CNOT3: variants seen among roughly 807,000 people sequenced by gnomAD.
CNOT3 encodes CCR4-associated factor 3.
A neutral mutation model predicts 89.4 loss-of-function variants in CNOT3; 2 were observed. The observed-to-expected ratio is 0.02, with a 90% CI of 0.01 to 0.07. The LOEUF is 0.07. CNOT3 is among the 10% of genes least tolerant of loss of function. The probability of loss-of-function intolerance (pLI) is 1.00; values close to 1 mark genes in which losing one functional copy is unlikely to be tolerated. For synonymous variants in CNOT3, 486 were observed against 402.0 expected (o/e 1.21, Z -2.50); for missense variants, 664 against 1,010.2 (o/e 0.66, Z 4.65).
chr19:54,140,474 TCTC>T (rs1290017363), intron 1 of CNOT3, among the ~76,000 whole-genome samples: 2 of 152,110 alleles, frequency 1.3e-5, no homozygotes, highest in African/African-American at 4.8e-5. Flanking sequence ...GGCTCTTTCT[TCTC>T]TGGCGGCGTC....
rs200556056 is a variant in CNOT3, at chr19:54,152,924, C to T, written c.1962C>T (p.Pro654=). Reference sequence around the variant, plus strand: ...CCCCCTACCACCACCAGATGCCACCCCCACACTCGGACACTGTGGAATTCT... The same window carrying T: ...CCCCCTACCACCACCAGATGCCACCTCCACACTCGGACACTGTGGAATTCT... ...PTPPYHHQMP[P]PHSDTVEFYQ... is the part of the protein sequence containing the mutation. Residue 654 remains proline, a synonymous_variant, in exon 16 of 18, where the codon CCC becomes CCT. Coordinates refer to ENST00000221232, the MANE Select transcript of CNOT3 (RefSeq NM_014516.4). The T allele has an allele frequency of 2.9e-4, 468 of 1,601,990 alleles. No individual in the cohort carries two copies. The highest frequency in any genetic ancestry group is 1.8e-3 in the Middle Eastern group (11 of 6,018).
intron 16 of CNOT3, 127 bp downstream of exon 16, chr19:54,153,126 T>A (rs771345105): frequency 2.5e-6 from 2 of 786,684 alleles, no homozygotes; most frequent in Admixed American, 3.5e-5. Flanking sequence ...CCCCTCCCTA[T>A]TCCCACTCCT....
Position 54,147,990 on chromosome 19 carries a change from T to G in CNOT3, c.895-158T>G, listed in dbSNP as rs181208798. ...ATGAAGGTGATTGAAGCCATGAGGGTGAGTAAGGTCACCCAGGTCCCCAAG... is the reference window on the plus strand; with the variant it reads ...ATGAAGGTGATTGAAGCCATGAGGGGGAGTAAGGTCACCCAGGTCCCCAAG... On this transcript the variant is annotated intron_variant, in intron 10 of 17. Transcript: ENST00000221232. Among the ~76,000 whole-genome samples, 1,042 of 151,706 alleles carry G rather than the reference T, an allele frequency of 6.9e-3. 10 individuals carry two copies. Among genetic ancestry groups the G allele is most frequent in the African/African-American group, 0.024 (974 of 41,256 alleles).
chr19:54,142,938 C>A lies in CNOT3; in HGVS notation c.-41C>A, dbSNP rs1006252767. 26 of 1,608,884 alleles carry A rather than the reference C, an allele frequency of 1.6e-5. No homozygotes were observed. The highest frequency in any genetic ancestry group is 2.0e-5 in the Non-Finnish European group (24 of 1,175,684). On this transcript the variant is annotated 5_prime_UTR_variant, in exon 2 of 18. Coordinates refer to ENST00000221232, the MANE Select transcript of CNOT3 (RefSeq NM_014516.4). Reference sequence around the variant, plus strand: ...CAATCTCTCCTAGCAGCGTCCGTCTCCAAGAGAGTATGAAGAGAGTGCGTC... The same window carrying A: ...CAATCTCTCCTAGCAGCGTCCGTCTACAAGAGAGTATGAAGAGAGTGCGTC...
rs1268780261 is a variant in CNOT3, at chr19:54,153,720, T to C, written c.2043T>C (p.Thr681=). ...LFFIFYYLEG[T]KAQYLAAKAL... ...CTCCACTGTTCCTCCCCCAGGGCAC[T>C]AAGGCACAGTATCTGGCAGCCAAGG... The change falls in exon 17 of 18, where the codon ACT becomes ACC. Residue 681 remains threonine (T), a synonymous_variant. Coordinates refer to ENST00000221232, the MANE Select transcript of CNOT3 (RefSeq NM_014516.4). 1.9e-6 allele frequency: 3 copies of C among 1,613,886 alleles called. No individual in the cohort carries two copies. The highest frequency in any genetic ancestry group is 2.5e-6 in the Non-Finnish European group (3 of 1,179,848).
chr19:54,153,135 C>T lies in CNOT3; in HGVS notation c.2037+136C>T, dbSNP rs748767743. 4 of 780,322 alleles carry T rather than the reference C, an allele frequency of 5.1e-6. No individual in the cohort carries two copies. In the South Asian group the frequency reaches 5.5e-5, roughly 11 times the overall value. 48.3% of individuals were successfully genotyped at this position (780,322 alleles called of 1,614,324 possible). A position where few individuals can be genotyped will look rare whatever the true frequency, so the allele number is the denominator to read the frequency against. Reference sequence around the variant, plus strand: ...CCGCACCCCCTCCCTATTCCCACTCCTGGGCCCCTGCCCCAAATCCACCTG... The same window carrying T: ...CCGCACCCCCTCCCTATTCCCACTCTTGGGCCCCTGCCCCAAATCCACCTG... On this transcript the variant is annotated intron_variant, in intron 16 of 17. Coordinates refer to ENST00000221232, the MANE Select transcript of CNOT3 (RefSeq NM_014516.4).
intron 5 of CNOT3, 25 bp from the exon 6 acceptor site, chr19:54,143,981 C>G: frequency 6.3e-7 from 1 of 1,585,746 alleles, no homozygotes; most frequent in Non-Finnish European, 8.5e-7. Flanking sequence ...TTTGAGAGCC[C>G]CCCTGCCAAC....
chr19:54,142,466 G>C (rs1287165664), intron 1 of CNOT3: 1 of 49,070 alleles, frequency 2.0e-5, no homozygotes, highest in Non-Finnish European at 3.7e-5. Context: ...TTCTCTGTGA[G>C]CTGCCAGTTT....
At chr19:54,150,618 C>CAGTGTGCGCGCCCAGGCTGTCCAGGAGGT (rs2075032459) in intron 13 of CNOT3, among the ~76,000 whole-genome samples, 1 of 123,528 alleles carries the variant, frequency 8.1e-6, no homozygotes, top group African/African-American at 3.1e-5. Context: ...GTCCAGGAGG[C>CAGTGTGCGCGCCCAGGCTGTCCAGGAGGT]AGTGTGCGCG....
chr19:54,153,143 C>T (rs1250602775), intron 16 of CNOT3, 144 bp downstream of exon 16: 10 of 778,028 alleles, frequency 1.3e-5, no homozygotes, highest in African/African-American at 3.4e-5. Flanking sequence ...TCCTGGGCCC[C>T]TGCCCCAAAT....
At chr19:54,140,073 A>G (rs1179013741) in intron 1 of CNOT3, among the ~76,000 whole-genome samples, 1 of 152,150 alleles carries the variant, frequency 6.6e-6, no homozygotes, top group Non-Finnish European at 1.5e-5. Flanking sequence ...ACGGCCCCCA[A>G]GGTTAAGGAC....
intron 12 of CNOT3, 26 bp from the exon 13 acceptor site, chr19:54,149,534 C>G (rs373336205): frequency 1.3e-6 from 2 of 1,485,382 alleles, no homozygotes; most frequent in South Asian, 2.7e-5. Flanking sequence ...CTCCTCTCAA[C>G]CCCCTCTTCC....
At chr19:54,138,506 G>C (rs1384952965) in intron 1 of CNOT3, among the ~76,000 whole-genome samples, 1 of 152,122 alleles carries the variant, frequency 6.6e-6, no homozygotes, top group Non-Finnish European at 1.5e-5. Flanking sequence ...CGGTGGCGGG[G>C]AGGGGGGGTG....
intron 1 of CNOT3, among the ~76,000 whole-genome samples, chr19:54,140,446 C>A (rs2074402150): frequency 6.6e-6 from 1 of 152,108 alleles, no homozygotes; most frequent in African/African-American, 2.4e-5. Flanking sequence ...TGGATGCCCC[C>A]CTGACTACAG....
Position 54,155,500 on chromosome 19 carries a change from C to A in CNOT3, c.*93C>A. ...GCCCTGGAAGACTGGAGGGAGGCCC[C>A]AAGCCACGGGGCATCCCCCTCTCCC... is the stretch of plus-strand genomic sequence containing the variant. On this transcript the variant is annotated 3_prime_UTR_variant, in exon 18 of 18. Coordinates refer to ENST00000221232, the MANE Select transcript of CNOT3 (RefSeq NM_014516.4). The A allele has an allele frequency of 1.0e-6, 1 of 990,526 alleles. No individual in the cohort carries two copies. The highest frequency in any genetic ancestry group is 1.5e-6 in the Non-Finnish European group (1 of 672,952). The allele number at this position is 990,526 out of a possible 1,614,324, so 61.4% of individuals were successfully genotyped here.
intron 1 of CNOT3, 173 bp from the exon 2 acceptor site, chr19:54,142,754 CTA>C (rs587769982): frequency 1.3e-3 from 785 of 604,660 alleles, no homozygotes; most frequent in Middle Eastern, 2.6e-3. Context: ...TGGCCAGACA[CTA>C]TGCTGGGCAG....
At chr19:54,153,198 TGCTTGGGTTGACA>T in intron 16 of CNOT3, 199 bp downstream of exon 16, 1 of 765,380 alleles carries the variant, frequency 1.3e-6, no homozygotes, top group South Asian at 1.3e-5. Flanking sequence ...ATGTTAGAAC[TGCTTGGGTTGACA>T]GCGAGGCTGG....
chr19:54,154,130 G>A (rs1396517041), intron 17 of CNOT3: 4 of 647,954 alleles, frequency 6.2e-6, no homozygotes, highest in East Asian at 3.1e-5. Context: ...GCAGTGCTGG[G>A]CACACTCGCC....
At chr19:54,155,188 G>A in intron 17 of CNOT3, 121 bp from the exon 18 acceptor site, 1 of 1,153,276 alleles carries the variant, frequency 8.7e-7, no homozygotes, top group Non-Finnish European at 1.2e-6. Flanking sequence ...TGCGTGCAGG[G>A]CAGCTGGCCC....
Sources: gnomAD v4.1 joint callset for allele counts (sites outside exome capture counted in the v4.1 genomes callset) on GRCh38, gnomAD v4.1.1 for gene constraint, MANE v1.5 for transcripts, NCBI Gene and HGNC (gene_info 2026-07-23, HGNC 2026-07-21) for gene names.